Variants in HPSE2 observed in about 807,000 individuals in gnomAD.
HPSE2 encodes the protein inactive heparanase-2.
Under a neutral mutation model 60.5 loss-of-function variants are expected in HPSE2, and 38 were observed. The ratio of observed to expected loss-of-function variants is 0.63; its 90% CI spans 0.48 to 0.82. The LOEUF (loss-of-function observed/expected upper bound fraction) is 0.82, where lower values mean the gene tolerates loss of function less well. HPSE2 is among the 40% of genes least tolerant of loss of function. The pLI is 0.00. For missense variants in HPSE2, 713 were observed against 740.4 expected, an observed-to-expected ratio of 0.96 and a Z score of 0.43; for synonymous variants, 295 against 293.2, an observed-to-expected ratio of 1.01 and a Z score of -0.06.
intron 5 of HPSE2, among the ~76,000 whole-genome samples, chr10:98,703,921 A>G (rs1431722007): frequency 6.6e-6 from 1 of 152,156 alleles, no homozygotes; most frequent in East Asian, 1.9e-4. Flanking sequence ...TGGACAGACA[A>G]TCAGACAAGA....
At chr10:98,985,283 A>G (rs983648186) in intron 3 of HPSE2, among the ~76,000 whole-genome samples, 1 of 152,256 alleles carries the variant, frequency 6.6e-6, no homozygotes, top group Non-Finnish European at 1.5e-5. Context: ...TCAGACTAAC[A>G]GCTGATCTCT....
At chr10:98,523,636 A>C (rs933281593) in intron 9 of HPSE2, among the ~76,000 whole-genome samples, 1 of 152,246 alleles carries the variant, frequency 6.6e-6, no homozygotes, top group African/African-American at 2.4e-5. Context: ...ACTCTCATAC[A>C]AAATAAGCTG....
At chr10:99,096,696 GT>G (rs5787321) in intron 3 of HPSE2, among the ~76,000 whole-genome samples, 76,627 of 149,426 alleles carry the variant, frequency 0.51, 21,041 homozygotes, top group East Asian at 0.65. Flanking sequence ...AAATTGTTGT[GT>G]TTTTTTTTTT....
chr10:98,971,285 G>A (rs922793743), intron 3 of HPSE2, among the ~76,000 whole-genome samples: 1 of 152,142 alleles, frequency 6.6e-6, no homozygotes, highest in Non-Finnish European at 1.5e-5. Context: ...AAATTCTGTT[G>A]TTGTTATGAC....
At chr10:98,917,840 T>TA (rs1202467065) in intron 3 of HPSE2, among the ~76,000 whole-genome samples, 3 of 152,206 alleles carry the variant, frequency 2.0e-5, no homozygotes, top group Non-Finnish European at 4.4e-5. Context: ...TCTTTTCTGT[T>TA]AGTCTTTCTG....
chr10:98,516,850 G>A (rs1459057492), intron 9 of HPSE2, among the ~76,000 whole-genome samples: 1 of 152,128 alleles, frequency 6.6e-6, no homozygotes, highest in Non-Finnish European at 1.5e-5. Context: ...TGGGACAAAT[G>A]TGATAATCAA....
chr10:99,170,867 G>T (rs1256868230), intron 2 of HPSE2, among the ~76,000 whole-genome samples: 3 of 152,122 alleles, frequency 2.0e-5, no homozygotes, highest in East Asian at 3.9e-4. Context: ...TTTTAATTGT[G>T]TCTATACAGG....
intron 3 of HPSE2, among the ~76,000 whole-genome samples, chr10:98,815,601 G>A (rs12265450): frequency 0.038 from 5,742 of 152,172 alleles, 233 homozygotes; most frequent in East Asian, 0.16. Flanking sequence ...CAACCTAAGA[G>A]TAAGAATGAA....
At chr10:99,182,305 C>T (rs1847808591) in intron 2 of HPSE2, among the ~76,000 whole-genome samples, 1 of 152,130 alleles carries the variant, frequency 6.6e-6, no homozygotes, top group African/African-American at 2.4e-5. Flanking sequence ...TAGTTTATCC[C>T]CCTTATTTTA....
In HPSE2 at chr10:99,130,419, T is replaced by C. The variant is rs144923943; in HGVS notation, c.610+13819A>G. Among the ~76,000 whole-genome samples, 208 of 152,162 alleles carry C rather than the reference T, an allele frequency of 1.4e-3. No homozygotes were observed. The Middle Eastern group carries it at 0.02, about 15-fold the overall frequency. ...ACCAAATACAACAGCATATCAAAAATATAATACACTATGATCAAGTGGGTT... is the reference window on the plus strand; with the variant it reads ...ACCAAATACAACAGCATATCAAAAACATAATACACTATGATCAAGTGGGTT... On this transcript the variant is annotated intron_variant, in intron 3 of 11. Coordinates refer to ENST00000370552, the MANE Select transcript of HPSE2 (RefSeq NM_021828.5).
chr10:99,302,990 G>A, the HPSE2 span, among the ~76,000 whole-genome samples: 4,184 of 151,844 alleles, frequency 0.028, 188 homozygotes, highest in African/African-American at 0.096. Flanking sequence ...GGACAGAGAA[G>A]GCATTAAAAG....
At chr10:98,876,027 T>G (rs1476769857) in intron 3 of HPSE2, among the ~76,000 whole-genome samples, 2 of 151,964 alleles carry the variant, frequency 1.3e-5, no homozygotes, top group African/African-American at 4.8e-5. Flanking sequence ...CTCTTTGCTG[T>G]CATTTGTATA....
chr10:98,958,445 A>C (rs1955563720), intron 3 of HPSE2, among the ~76,000 whole-genome samples: 1 of 152,136 alleles, frequency 6.6e-6, no homozygotes, highest in Non-Finnish European at 1.5e-5. Flanking sequence ...ACTTTGATTA[A>C]ATGAATAAAT....
chr10:99,005,569 AC>A (rs1343400636), intron 3 of HPSE2, among the ~76,000 whole-genome samples: 1 of 152,100 alleles, frequency 6.6e-6, no homozygotes, highest in Middle Eastern at 3.2e-3. Context: ...CTGATTTCAT[AC>A]AATTTTTTTC....
At chr10:99,083,933 G>T (rs1269075612) in intron 3 of HPSE2, among the ~76,000 whole-genome samples, 2 of 142,568 alleles carry the variant, frequency 1.4e-5, no homozygotes, top group African/African-American at 2.6e-5. Flanking sequence ...TGGACTAAAG[G>T]CCCAAAAAAA....
intron 4 of HPSE2, among the ~76,000 whole-genome samples, chr10:98,735,016 C>T (rs1261908546): frequency 6.6e-6 from 1 of 152,020 alleles, no homozygotes; most frequent in Non-Finnish European, 1.5e-5. Context: ...AACTGAAATC[C>T]ATAGTCTACA....
At chr10:98,848,489 G>A (rs1458066687) in intron 3 of HPSE2, among the ~76,000 whole-genome samples, 2 of 151,904 alleles carry the variant, frequency 1.3e-5, no homozygotes, top group African/African-American at 4.8e-5. Context: ...CAGATCAAAG[G>A]AAACTCATAA....
chr10:98,766,267 G>A (rs1950117185), intron 3 of HPSE2, among the ~76,000 whole-genome samples: 1 of 152,038 alleles, frequency 6.6e-6, no homozygotes, highest in Non-Finnish European at 1.5e-5. Flanking sequence ...ATCTACCAAG[G>A]AAATTGAATT....
At chr10:98,513,001 T>G (rs12241180) in intron 9 of HPSE2, among the ~76,000 whole-genome samples, 3,637 of 152,318 alleles carry the variant, frequency 0.024, 55 homozygotes, top group Middle Eastern at 0.044. Context: ...TTGATTCAAT[T>G]TGTATTTACA....
Sources: allele counts gnomAD v4.1 joint callset (sites outside exome capture counted in the v4.1 genomes callset), GRCh38; gene constraint gnomAD v4.1.1; transcripts MANE v1.5; gene names NCBI Gene and HGNC (gene_info 2026-07-23, HGNC 2026-07-21).